TMEM232: variants seen among roughly 807,000 people sequenced by gnomAD.
TMEM232 encodes transmembrane protein 232.
TMEM232 carries 80 observed loss-of-function variants against 78.8 expected under a neutral mutation model. The ratio of observed to expected loss-of-function variants is 1.01; its 90% CI spans 0.85 to 1.22. The LOEUF (loss-of-function observed/expected upper bound fraction) is 1.22, where lower values mean the gene tolerates loss of function less well. Ranked by LOEUF, TMEM232 falls within the 50% of genes most tolerant of loss-of-function variation. The pLI, the probability that TMEM232 is intolerant of heterozygous loss-of-function variation, is 0.00. For missense variants in TMEM232, 881 were observed against 742.2 expected, an observed-to-expected ratio of 1.19 and a Z score of -2.17; for synonymous variants, 297 against 254.3, an observed-to-expected ratio of 1.17 and a Z score of -1.60.
At chr5:110,475,400 T>C (rs1044693548) in intron 12 of TMEM232, among the ~76,000 whole-genome samples, 2 of 151,108 alleles carry the variant, frequency 1.3e-5, no homozygotes, top group African/African-American at 4.8e-5. Context: ...ATATGAATGA[T>C]AGCTTTTAGT....
At chr5:110,518,355 C>G (rs1190235915) in intron 12 of TMEM232, among the ~76,000 whole-genome samples, 1 of 152,130 alleles carries the variant, frequency 6.6e-6, no homozygotes, top group Non-Finnish European at 1.5e-5. Flanking sequence ...AATATCCTCT[C>G]TGTGGCTCCA....
chr5:110,479,255 T>A (rs994434157), intron 12 of TMEM232, among the ~76,000 whole-genome samples: 4 of 151,732 alleles, frequency 2.6e-5, no homozygotes, highest in Middle Eastern at 3.2e-3. Flanking sequence ...ATAGAAAAAA[T>A]TTGTTTTAAT....
At chr5:110,516,095 C>T (rs952655726) in intron 12 of TMEM232, among the ~76,000 whole-genome samples, 6 of 152,004 alleles carry the variant, frequency 3.9e-5, no homozygotes, top group Non-Finnish European at 8.8e-5. Flanking sequence ...AAAAATTACC[C>T]GGGCGTGGTG....
intron 2 of TMEM232, among the ~76,000 whole-genome samples, chr5:110,643,539 G>A (rs1192731343): frequency 6.6e-6 from 1 of 152,008 alleles, no homozygotes; most frequent in African/African-American, 2.4e-5. Flanking sequence ...AATTGAAGAT[G>A]GGCATGGGAC....
chr5:110,464,379 G>C (rs1377594662), intron 12 of TMEM232, among the ~76,000 whole-genome samples: 1 of 152,150 alleles, frequency 6.6e-6, no homozygotes, highest in East Asian at 1.9e-4. Context: ...ACTGGGGAAG[G>C]CAGAACAAGG....
chr5:110,523,539 T>A (rs1272669658), intron 12 of TMEM232, among the ~76,000 whole-genome samples: 1 of 152,186 alleles, frequency 6.6e-6, no homozygotes, highest in African/African-American at 2.4e-5. Context: ...TTAGTACTGC[T>A]TTTGCTCCAT....
chr5:110,519,178 GAGAA>G (rs1177162430), intron 12 of TMEM232, among the ~76,000 whole-genome samples: 1 of 152,010 alleles, frequency 6.6e-6, no homozygotes, highest in African/African-American at 2.4e-5. Context: ...ACTTAAGAAA[GAGAA>G]AGATCTAAAT....
intron 1 of TMEM232, among the ~76,000 whole-genome samples, chr5:110,717,781 C>T (rs1161490839): frequency 6.6e-6 from 1 of 152,072 alleles, no homozygotes; most frequent in Non-Finnish European, 1.5e-5. Flanking sequence ...CCTTTCACTC[C>T]TCACTCTTCT....
intron 12 of TMEM232, among the ~76,000 whole-genome samples, chr5:110,445,403 A>C (rs905862049): frequency 5.3e-5 from 8 of 152,272 alleles, no homozygotes; most frequent in Non-Finnish European, 1.0e-4. Flanking sequence ...CACATTCCCC[A>C]CAACCCCACC....
intron 12 of TMEM232, among the ~76,000 whole-genome samples, chr5:110,512,415 G>C (rs931812281): frequency 6.6e-6 from 1 of 152,050 alleles, no homozygotes; most frequent in Non-Finnish European, 1.5e-5. Context: ...AGTTGGGCAT[G>C]GTTTATTTTT....
At chr5:110,578,348 T>C (rs1365096449) in intron 10 of TMEM232, among the ~76,000 whole-genome samples, 1 of 152,018 alleles carries the variant, frequency 6.6e-6, no homozygotes, top group African/African-American at 2.4e-5. Context: ...TTCTTGGAAA[T>C]TGTAAAAAAG....
intron 12 of TMEM232, among the ~76,000 whole-genome samples, chr5:110,517,607 T>C (rs1445916067): frequency 1.3e-5 from 2 of 152,144 alleles, no homozygotes; most frequent in Non-Finnish European, 2.9e-5. Flanking sequence ...GGGAGTCACA[T>C]TCACATAGAC....
chr5:110,508,124 A>C (rs868246129), intron 12 of TMEM232, among the ~76,000 whole-genome samples: 1 of 152,126 alleles, frequency 6.6e-6, no homozygotes, highest in African/African-American at 2.4e-5. Flanking sequence ...AAAAACCCCA[A>C]GGGGATCACT....
chr5:110,462,855 A>G (rs1224536989), intron 12 of TMEM232, among the ~76,000 whole-genome samples: 1 of 152,234 alleles, frequency 6.6e-6, no homozygotes. Context: ...AGTGGAGTCT[A>G]AAGATGTGAC....
At chr5:110,439,899 A>ATATT (rs1285484770) in intron 12 of TMEM232, among the ~76,000 whole-genome samples, 2 of 152,088 alleles carry the variant, frequency 1.3e-5, no homozygotes, top group East Asian at 3.9e-4. Context: ...AAAATTCTCT[A>ATATT]TATTAACCTA....
rs1766433660 is a variant in TMEM232 at position 110,502,957 on chromosome 5, A to C, written c.1703+25631T>G. Among the ~76,000 whole-genome samples the C allele has an allele frequency of 2.0e-5, 3 of 152,182 alleles. No individual in the cohort carries two copies. In the South Asian group the frequency reaches 6.2e-4, roughly 31 times the overall value. On this transcript the variant is annotated intron_variant, in intron 12 of 13. Transcript: ENST00000455884. ...TAATTTCAATCATGGGACTTAAAAC[A>C]ATCTGTAATTACTTCGGTTGCTTAT... is the stretch of plus-strand genomic sequence containing the variant.
intron 2 of TMEM232, among the ~76,000 whole-genome samples, chr5:110,657,473 C>A (rs914246609): frequency 2.0e-5 from 3 of 151,664 alleles, no homozygotes; most frequent in African/African-American, 7.3e-5. Context: ...ATGAATGAAC[C>A]TGGATAACAC....
At chr5:110,475,106 A>T (rs1763105245) in intron 12 of TMEM232, among the ~76,000 whole-genome samples, 1 of 152,008 alleles carries the variant, frequency 6.6e-6, no homozygotes, top group Admixed American at 6.6e-5. Context: ...ACACAGTCAC[A>T]TAAATTAAAA....
intron 7 of TMEM232, among the ~76,000 whole-genome samples, chr5:110,624,792 T>A (rs1439987124): frequency 6.6e-6 from 1 of 152,090 alleles, no homozygotes. Context: ...GGGAAAATTA[T>A]AAGGTAACAC....
Sources: allele counts gnomAD v4.1 joint callset (sites outside exome capture counted in the v4.1 genomes callset), GRCh38; gene constraint gnomAD v4.1.1; transcripts MANE v1.5; gene names NCBI Gene and HGNC (gene_info 2026-07-23, HGNC 2026-07-21).